The following PHIP variants were observed in gnomAD, a reference collection of about 807,000 sequenced individuals.
The protein encoded by PHIP is PH-interacting protein.
Under a neutral mutation model 236.8 loss-of-function variants are expected in PHIP, and 54 were observed. The ratio of observed to expected loss-of-function variants is 0.23; its 90% CI spans 0.18 to 0.29. The LOEUF is 0.29. PHIP is among the 10% of genes least tolerant of loss of function. The probability of loss-of-function intolerance (pLI) is 1.00; values close to 1 mark genes in which losing one functional copy is unlikely to be tolerated. For synonymous variants in PHIP, 756 were observed against 718.9 expected, an observed-to-expected ratio of 1.05 and a Z score of -0.83; for missense variants, 1,370 against 2,190.8, an observed-to-expected ratio of 0.63 and a Z score of 7.48.
At chr6:78,972,811 G>A (rs1193178087) in intron 24 of PHIP, among the ~76,000 whole-genome samples, 11 of 152,132 alleles carry the variant, frequency 7.2e-5, no homozygotes, top group Non-Finnish European at 1.5e-5. Context: ...AATGAAGCGA[G>A]AAGGGAAGTT....
chr6:79,060,854 T>C, intron 4 of PHIP, 36 bp from the exon 5 acceptor site: 1 of 1,375,106 alleles, frequency 7.3e-7, no homozygotes, highest in Non-Finnish European at 9.9e-7. Flanking sequence ...AGGTTTCAGT[T>C]TATCATTTTA....
chr6:79,046,373 T>C (rs1772485729), intron 6 of PHIP, among the ~76,000 whole-genome samples: 2 of 152,222 alleles, frequency 1.3e-5, no homozygotes, highest in Admixed American at 1.3e-4. Context: ...CCATAACTTC[T>C]GATCCCCTTT....
In PHIP at chr6:79,026,011, A is replaced by G; in HGVS notation, c.754T>C (p.Trp252Arg). Residue 252 changes from tryptophan to arginine, a missense_variant, in exon 8 of 40, where the codon TGG (tryptophan) becomes CGG (arginine). By Grantham distance (101) the Trp-to-Arg change is moderately radical (BLOSUM62 -3). Around this residue, in one of 14 missense-constraint regions of PHIP, gnomAD observed 188 missense variants for 354.3 expected, o/e 0.53. Coordinates refer to ENST00000275034, the MANE Select transcript of PHIP (RefSeq NM_017934.7). ...AAAGGTGCACAGGTTCGAAGACACC[A>G]GACTCGGATCATTTTATCACAACTT... Reference protein sequence around the residue: ...AGSCDKMIRVWCLRTCAPLAV... With the variant: ...AGSCDKMIRVRCLRTCAPLAV... 1.2e-6 allele frequency: 2 copies of G among 1,614,168 alleles called. No individual in the cohort carries two copies. The highest frequency in any genetic ancestry group is 1.7e-6 in the Non-Finnish European group (2 of 1,180,012).
At chr6:79,016,428 G>A (rs1287509321) in intron 13 of PHIP, 116 bp downstream of exon 13, 4 of 500,458 alleles carry the variant, frequency 8.0e-6, no homozygotes, top group Non-Finnish European at 1.4e-5. Context: ...AGTTATCGCA[G>A]AAAAGTAGTA....
intron 28 of PHIP, 59 bp downstream of exon 28, chr6:78,965,886 T>A: frequency 4.5e-6 from 6 of 1,320,982 alleles, no homozygotes; most frequent in Non-Finnish European, 6.5e-6. Flanking sequence ...TCTTAATAGA[T>A]GGAAAAAAAA....
At chr6:79,030,983 G>A (rs1436509416) in intron 7 of PHIP, among the ~76,000 whole-genome samples, 4 of 151,716 alleles carry the variant, frequency 2.6e-5, no homozygotes, top group African/African-American at 7.3e-5. Context: ...TTCCTCTGTC[G>A]CCCAGGCTGG....
intron 19 of PHIP, among the ~76,000 whole-genome samples, chr6:78,992,145 G>C (rs964531191): frequency 6.6e-6 from 1 of 151,702 alleles, no homozygotes; most frequent in African/African-American, 2.4e-5. Context: ...TGTATTTTTA[G>C]TAGAGACGGG....
chr6:79,014,844 A>AGT (rs1770764647), intron 15 of PHIP, among the ~76,000 whole-genome samples: 1 of 151,840 alleles, frequency 6.6e-6, no homozygotes. Context: ...TCACTGCTAA[A>AGT]ACTGATAAAA....
intron 15 of PHIP, 41 bp downstream of exon 15, chr6:79,015,041 C>T (rs949387453): frequency 6.4e-7 from 1 of 1,554,216 alleles, no homozygotes; most frequent in South Asian, 1.2e-5. Flanking sequence ...AAAAAGCTCC[C>T]AAATCTTTAG....
chr6:78,974,643 GA>G (rs1454666066), intron 24 of PHIP, among the ~76,000 whole-genome samples: 4 of 151,656 alleles, frequency 2.6e-5, no homozygotes, highest in Non-Finnish European at 4.4e-5. Flanking sequence ...ACTAATAAAA[GA>G]AAAAAAGAAG....
At position 79,060,827 on chromosome 6, in the gene PHIP, T is replaced by G. The variant is rs759550291; in HGVS notation, c.190-9A>C. On this transcript the variant is annotated splice_polypyrimidine_tract_variant and intron_variant, in intron 4 of 39. Transcript: ENST00000275034. ...TGTCTGTAATACTTCACCTATTATG[T>G]AAAAGACAAATATAGTAGGTTTCAG... 1.0e-5 allele frequency: 16 copies of G among 1,571,410 alleles called. No homozygotes were observed. The highest frequency in any genetic ancestry group is 1.8e-5 in the Admixed American group (1 of 54,910).
intron 24 of PHIP, among the ~76,000 whole-genome samples, chr6:78,976,045 A>G (rs1454314418): frequency 3.9e-5 from 6 of 152,036 alleles, no homozygotes; most frequent in Non-Finnish European, 8.8e-5. Flanking sequence ...ATATGGAACC[A>G]AAAAAGGGCC....
chr6:79,057,163 T>C (rs774202808), intron 6 of PHIP, among the ~76,000 whole-genome samples: 1 of 152,174 alleles, frequency 6.6e-6, no homozygotes, highest in Non-Finnish European at 1.5e-5. Context: ...AGTTTCCATA[T>C]GGTTTGAAAT....
At chr6:78,954,268 AT>A (rs66960387) in intron 35 of PHIP, among the ~76,000 whole-genome samples, 36 of 147,016 alleles carry the variant, frequency 2.4e-4, no homozygotes, top group South Asian at 6.5e-4. Context: ...CGCCTGGCTA[AT>A]TTTTTTTTTT....
At chr6:79,024,609 C>A (rs906144092) in intron 9 of PHIP, among the ~76,000 whole-genome samples, 2 of 152,088 alleles carry the variant, frequency 1.3e-5, no homozygotes, top group Admixed American at 1.3e-4. Flanking sequence ...TGGAGACCAT[C>A]CTGGCTAACA....
chr6:79,052,890 G>A (rs185393582), intron 6 of PHIP, among the ~76,000 whole-genome samples: 1 of 152,036 alleles, frequency 6.6e-6, no homozygotes, highest in Non-Finnish European at 1.5e-5. Flanking sequence ...TCACAGAGAA[G>A]GCAAAAAGGT....
At chr6:78,977,842 A>G (rs1197891879) in intron 24 of PHIP, among the ~76,000 whole-genome samples, 1 of 152,196 alleles carries the variant, frequency 6.6e-6, no homozygotes, top group Non-Finnish European at 1.5e-5. Context: ...GAATCACTCT[A>G]GCATTAAAAA....
intron 35 of PHIP, among the ~76,000 whole-genome samples, chr6:78,951,656 G>A (rs750928732): frequency 3.3e-5 from 5 of 152,114 alleles, no homozygotes; most frequent in East Asian, 1.9e-4. Context: ...TGCCTAACAC[G>A]TTTAGCTGGT....
chr6:79,011,500 G>C (rs981821014), intron 15 of PHIP, among the ~76,000 whole-genome samples: 1 of 151,688 alleles, frequency 6.6e-6, no homozygotes. Context: ...GAAAGGGTAG[G>C]GGGAGTACAA....
Sources: gnomAD v4.1 joint callset for allele counts (sites outside exome capture counted in the v4.1 genomes callset) on GRCh38, gnomAD v4.1.1 for gene constraint, gnomAD v4.1.1 regional missense constraint, MANE v1.5 for transcripts, NCBI Gene and HGNC (gene_info 2026-07-23, HGNC 2026-07-21) for gene names.